RIPK1: variants seen among roughly 807,000 people sequenced by gnomAD.
RIPK1 encodes the protein receptor-interacting serine/threonine-protein kinase 1.
RIPK1 carries 27 observed loss-of-function variants against 62.4 expected under a neutral mutation model. That is an observed-to-expected ratio of 0.43 (90% CI 0.32 to 0.60). RIPK1 has a LOEUF of 0.60. RIPK1 is among the 20% of genes least tolerant of loss of function. RIPK1 has a pLI of 0.07. For synonymous variants in RIPK1, 287 were observed against 303.2 expected, an observed-to-expected ratio of 0.95 and a Z score of 0.55; for missense variants, 735 against 831.0, an observed-to-expected ratio of 0.88 and a Z score of 1.42.
chr6:3,068,331 T>G (rs920657565), upstream of RIPK1: 1 of 985,290 alleles, frequency 1.0e-6, no homozygotes, highest in African/African-American at 1.7e-5. Context: ...CTCTTTTACG[T>G]AGGCCGCCCC....
intron 1 of RIPK1, among the ~76,000 whole-genome samples, chr6:3,071,990 T>C (rs192137024): frequency 6.6e-6 from 1 of 152,252 alleles, no homozygotes; most frequent in Non-Finnish European, 1.5e-5. Context: ...TGACCTTTTT[T>C]AAATATTATT....
In RIPK1 at chr6:3,072,881, A is replaced by G. The variant is rs1758807080; in HGVS notation, c.-60-3883A>G. ...GTAGTGAATGAAAAAGGAGGCCTAA[A>G]ATCAATGTTATCTTTTATGCCCTCT... is the stretch of plus-strand genomic sequence containing the variant. On this transcript the variant is annotated intron_variant, in intron 1 of 10. Transcript: ENST00000259808. The surrounding 1 kb of genome is among the most constrained non-coding windows in gnomAD (Gnocchi z 5.6). 6.7e-6 allele frequency among the ~76,000 whole-genome samples: 1 copy of G among 149,342 alleles called. No individual in the cohort carries two copies. The highest frequency in any genetic ancestry group is 6.6e-5 in the Admixed American group (1 of 15,246).
chr6:3,105,060 C>T lies in RIPK1; in HGVS notation c.1007-422C>T, dbSNP rs1055051203. On this transcript the variant is annotated intron_variant, in intron 8 of 10. Transcript: ENST00000259808. This position sits in a 1 kb window ranked among gnomAD's most constrained non-coding sequence, Gnocchi z 4.5. Reference sequence around the variant, plus strand: ...AGAGATGGGGTTTCGCCATGTTGGCCAGGCTGGTCTCGAACTCCTGACCTC... The same window carrying T: ...AGAGATGGGGTTTCGCCATGTTGGCTAGGCTGGTCTCGAACTCCTGACCTC... Among the ~76,000 whole-genome samples the T allele has an allele frequency of 6.6e-6, 1 of 152,144 alleles. No individual in the cohort carries two copies. Among genetic ancestry groups the T allele is most frequent in the African/African-American group, 2.4e-5 (1 of 41,442 alleles).
At chr6:3,068,474 G>T (rs1052091233), upstream of RIPK1, 77 of 985,220 alleles carry the variant, frequency 7.8e-5, no homozygotes, top group Non-Finnish European at 9.0e-5. Flanking sequence ...GCCGGGGCAG[G>T]GGGAGGAGGC....
intron 7 of RIPK1, among the ~76,000 whole-genome samples, chr6:3,090,795 G>A (rs866514732): frequency 0.026 from 3,396 of 128,476 alleles, 252 homozygotes; most frequent in African/African-American, 0.1. Context: ...ACCGCAGAGC[G>A]CCTACCTGCC....
intron 7 of RIPK1, among the ~76,000 whole-genome samples, chr6:3,090,887 C>T (rs376373919): frequency 0.36 from 5,071 of 13,904 alleles, 84 homozygotes; most frequent in Middle Eastern, 0.41. Flanking sequence ...AACCGCAGCG[C>T]GCCTACCTGC....
chr6:3,068,216 T>C, upstream of RIPK1: 1 of 985,494 alleles, frequency 1.0e-6, no homozygotes, highest in Non-Finnish European at 1.2e-6. Flanking sequence ...TTGCCTATGC[T>C]AACCCGCAGA....
Position 3,105,400 on chromosome 6 carries a change from C to T in RIPK1, c.1007-82C>T. 1 of 1,100,164 alleles carries T rather than the reference C, an allele frequency of 9.1e-7. No homozygotes were observed. Among genetic ancestry groups the T allele is most frequent in the Non-Finnish European group, 1.3e-6 (1 of 759,764 alleles). 68.2% of individuals were successfully genotyped at this position (1,100,164 alleles called of 1,614,324 possible). A position where few individuals can be genotyped will look rare whatever the true frequency, so the allele number is the denominator to read the frequency against. ...GTTTTCTGTGTGTTACTTTGAGATA[C>T]AGATTCATGACGGCGCTCAGATTTT... On this transcript the variant is annotated intron_variant, in intron 8 of 10. Transcript: ENST00000259808. This position sits in a 1 kb window ranked among gnomAD's most constrained non-coding sequence, Gnocchi z 4.5.
intron 9 of RIPK1, among the ~76,000 whole-genome samples, chr6:3,106,296 G>A (rs1196000110): frequency 6.6e-6 from 1 of 152,116 alleles, no homozygotes; most frequent in African/African-American, 2.4e-5. Context: ...TGACTGGCAG[G>A]CATCTTTGAC....
intron 4 of RIPK1, among the ~76,000 whole-genome samples, chr6:3,081,686 C>T (rs1394302549): frequency 2.0e-5 from 3 of 151,764 alleles, no homozygotes; most frequent in African/African-American, 7.3e-5. Context: ...CATGGAGAAA[C>T]CCCATCTCTA....
intron 3 of RIPK1, among the ~76,000 whole-genome samples, chr6:3,079,252 T>A (rs1392343413): frequency 1.3e-5 from 2 of 152,164 alleles, no homozygotes; most frequent in Admixed American, 6.5e-5. Context: ...GCTATTTTTT[T>A]AATTTTTAGT....
intron 7 of RIPK1, among the ~76,000 whole-genome samples, chr6:3,102,585 T>C (rs935618275): frequency 6.6e-6 from 1 of 151,984 alleles, no homozygotes; most frequent in Non-Finnish European, 1.5e-5. Flanking sequence ...TGCTAGATCA[T>C]ATGGTAATTC....
At chr6:3,068,301 C>T, upstream of RIPK1, 1 of 985,530 alleles carries the variant, frequency 1.0e-6, no homozygotes, top group Non-Finnish European at 1.2e-6. Context: ...CCCTCTCGTG[C>T]GCGCGGAGGT....
At chr6:3,090,256 T>C (rs12110700) in intron 7 of RIPK1, among the ~76,000 whole-genome samples, 12,623 of 152,014 alleles carry the variant, frequency 0.083, 1,593 homozygotes, top group African/African-American at 0.27. Context: ...CAAGGCCCAG[T>C]TAGGAACCAA....
chr6:3,068,189 G>A, upstream of RIPK1: 1 of 981,542 alleles, frequency 1.0e-6, no homozygotes, highest in African/African-American at 1.7e-5. Flanking sequence ...TACAGATGAA[G>A]GTAGAGGAAT....
chr6:3,085,163 A>G (rs1759622623), intron 5 of RIPK1, 96 bp from the exon 6 acceptor site: 1 of 1,344,804 alleles, frequency 7.4e-7, no homozygotes, highest in Non-Finnish European at 1.1e-6. Flanking sequence ...AGGCAGCTGT[A>G]CCAGAGGCTG....
intron 1 of RIPK1, among the ~76,000 whole-genome samples, chr6:3,073,303 T>A (rs1241650954): frequency 6.6e-6 from 1 of 151,792 alleles, no homozygotes; most frequent in African/African-American, 2.4e-5. Context: ...TACGTATACA[T>A]ACATGAACGT....
intron 9 of RIPK1, among the ~76,000 whole-genome samples, chr6:3,109,709 T>G (rs1360517944): frequency 6.6e-6 from 1 of 152,212 alleles, no homozygotes; most frequent in Non-Finnish European, 1.5e-5. Context: ...CACAGTGTTA[T>G]GCAACCATCA....
At chr6:3,085,038 C>T (rs1476995272) in intron 5 of RIPK1, among the ~76,000 whole-genome samples, 1 of 152,232 alleles carries the variant, frequency 6.6e-6, no homozygotes, top group Non-Finnish European at 1.5e-5. Context: ...GTTCCATCAG[C>T]AGGCAGCTTT....
Sources: gnomAD v4.1 joint callset for allele counts (sites outside exome capture counted in the v4.1 genomes callset) on GRCh38, gnomAD v4.1.1 for gene constraint, Gnocchi (gnomAD v3.1) non-coding constraint, MANE v1.5 for transcripts, NCBI Gene and HGNC (gene_info 2026-07-23, HGNC 2026-07-21) for gene names.